Variants in NMNAT2 observed in about 807,000 individuals in gnomAD.
The protein encoded by NMNAT2 is nicotinamide/nicotinic acid mononucleotide adenylyltransferase 2.
Under a neutral mutation model 41.6 loss-of-function variants are expected in NMNAT2, and 11 were observed. The ratio of observed to expected loss-of-function variants is 0.26; its 90% CI spans 0.17 to 0.44. The LOEUF is 0.44. Among genes scored for constraint, NMNAT2 ranks in the 20% least tolerant of loss-of-function variants. The pLI is 1.00. For synonymous variants in NMNAT2, 148 were observed against 151.2 expected (o/e 0.98, Z 0.16); for missense variants, 288 against 407.7 (o/e 0.71, Z 2.53).
At chr1:183,414,677 T>C (rs1396568397) in intron 1 of NMNAT2, among the ~76,000 whole-genome samples, 1 of 152,258 alleles carries the variant, frequency 6.6e-6, no homozygotes, top group East Asian at 1.9e-4. Flanking sequence ...TACTATTTTT[T>C]CCTGTATGTT....
At chr1:183,277,016 G>GT (rs1263307133) in intron 8 of NMNAT2, among the ~76,000 whole-genome samples, 1 of 152,280 alleles carries the variant, frequency 6.6e-6, no homozygotes, top group East Asian at 1.9e-4. Flanking sequence ...AGCTTTGTGT[G>GT]TATCTGTGTG....
At chr1:183,280,831 C>G (rs1232025817) in intron 7 of NMNAT2, among the ~76,000 whole-genome samples, 1 of 113,652 alleles carries the variant, frequency 8.8e-6, no homozygotes, top group Non-Finnish European at 1.6e-5. Flanking sequence ...GTTGCCCAGG[C>G]TGGAGTGCAA....
chr1:183,309,288 C>T (rs558121170), intron 1 of NMNAT2, among the ~76,000 whole-genome samples: 1 of 152,288 alleles, frequency 6.6e-6, no homozygotes, highest in Non-Finnish European at 1.5e-5. Flanking sequence ...GCATGAGCCA[C>T]TGTGCCCGGC....
chr1:183,360,165 G>T (rs185580160), intron 1 of NMNAT2, among the ~76,000 whole-genome samples: 44 of 152,050 alleles, frequency 2.9e-4, no homozygotes, highest in Non-Finnish European at 4.7e-4. Context: ...GCTCTCAGAA[G>T]CCTTGCAATC....
chr1:183,333,340 C>T (rs1237084405), intron 1 of NMNAT2, among the ~76,000 whole-genome samples: 1 of 152,136 alleles, frequency 6.6e-6, no homozygotes, highest in Non-Finnish European at 1.5e-5. Context: ...CATCCTAATC[C>T]CCAGAATCTG....
At chr1:183,316,791 G>A (rs1662261461) in intron 1 of NMNAT2, among the ~76,000 whole-genome samples, 1 of 152,198 alleles carries the variant, frequency 6.6e-6, no homozygotes. Context: ...TTGCCATAGG[G>A]AATATTATTC....
chr1:183,276,564 T>G (rs1292276895), intron 8 of NMNAT2, among the ~76,000 whole-genome samples: 1 of 152,184 alleles, frequency 6.6e-6, no homozygotes, highest in Admixed American at 6.5e-5. Flanking sequence ...GGTCTGCCCT[T>G]GAGAGGAGGC....
At chr1:183,306,826 G>T (rs1291352174) in intron 1 of NMNAT2, among the ~76,000 whole-genome samples, 1 of 152,184 alleles carries the variant, frequency 6.6e-6, no homozygotes, top group Non-Finnish European at 1.5e-5. Context: ...CCAGCTGGGT[G>T]ACCTTGGGTA....
At chr1:183,294,672 C>T (rs1661634986) in intron 1 of NMNAT2, among the ~76,000 whole-genome samples, 1 of 152,164 alleles carries the variant, frequency 6.6e-6, no homozygotes, top group Non-Finnish European at 1.5e-5. Context: ...CGCCTGTAAT[C>T]CTAGTTACTC....
chr1:183,365,618 C>T (rs980322338), intron 1 of NMNAT2, among the ~76,000 whole-genome samples: 12 of 152,072 alleles, frequency 7.9e-5, no homozygotes, highest in African/African-American at 2.7e-4. Flanking sequence ...ATTAGCTAGG[C>T]ATGGTGGCGT....
intron 1 of NMNAT2, among the ~76,000 whole-genome samples, chr1:183,319,546 G>A (rs1415115612): frequency 6.6e-6 from 1 of 152,228 alleles, no homozygotes; most frequent in Non-Finnish European, 1.5e-5. Flanking sequence ...CAGCGCCTCT[G>A]GCCAAGGCCA....
At chr1:183,364,186 T>C (rs1663366678) in intron 1 of NMNAT2, among the ~76,000 whole-genome samples, 1 of 152,232 alleles carries the variant, frequency 6.6e-6, no homozygotes, top group Non-Finnish European at 1.5e-5. Context: ...TTGTGCTATG[T>C]ACTAGGAACA....
At chr1:183,341,476 G>C (rs1317145086) in intron 1 of NMNAT2, among the ~76,000 whole-genome samples, 1 of 140,432 alleles carries the variant, frequency 7.1e-6, no homozygotes, top group Admixed American at 7.6e-5. Flanking sequence ...TCAGGAGTTT[G>C]AGACCAGCCT....
intron 1 of NMNAT2, among the ~76,000 whole-genome samples, chr1:183,416,991 T>C (rs1649273402): frequency 6.6e-6 from 1 of 151,998 alleles, no homozygotes; most frequent in Non-Finnish European, 1.5e-5. Flanking sequence ...TCCCACACGC[T>C]CTCTCATCCA....
intron 1 of NMNAT2, 113 bp downstream of exon 1, chr1:183,418,070 G>A: frequency 1.0e-6 from 1 of 971,734 alleles, no homozygotes. Context: ...GGATGAGCCG[G>A]CCCACCCCTC....
chr1:183,316,950 C>T (rs1165381326), intron 1 of NMNAT2, among the ~76,000 whole-genome samples: 1 of 152,190 alleles, frequency 6.6e-6, no homozygotes, highest in African/African-American at 2.4e-5. Flanking sequence ...ATCCCCCATG[C>T]CCTCAGCTAG....
chr1:183,312,139 A>G (rs779658384), intron 1 of NMNAT2, among the ~76,000 whole-genome samples: 12 of 152,116 alleles, frequency 7.9e-5, no homozygotes, highest in Non-Finnish European at 1.8e-4. Context: ...CAGTGTGAAA[A>G]CGGACTAATA....
chr1:183,268,072 G>T (rs1004291902), intron 8 of NMNAT2, among the ~76,000 whole-genome samples: 8 of 152,168 alleles, frequency 5.3e-5, no homozygotes, highest in Admixed American at 3.3e-4. Context: ...TAGGGATAGG[G>T]ATGGGGAGAG....
chr1:183,267,615 G>C (rs1660851103), intron 8 of NMNAT2, among the ~76,000 whole-genome samples: 1 of 152,128 alleles, frequency 6.6e-6, no homozygotes, highest in Non-Finnish European at 1.5e-5. Flanking sequence ...CTGGGGAGTG[G>C]GGGGGTGTAA....
Sources: allele counts gnomAD v4.1 joint callset (sites outside exome capture counted in the v4.1 genomes callset), GRCh38; gene constraint gnomAD v4.1.1; transcripts MANE v1.5; gene names NCBI Gene and HGNC (gene_info 2026-07-23, HGNC 2026-07-21).